SH3GL2: variants seen among roughly 807,000 people sequenced by gnomAD.
SH3GL2 encodes SH3 domain containing GRB2 like 2, endophilin A1.
Under a neutral mutation model 46.0 loss-of-function variants are expected in SH3GL2, and 24 were observed. The observed-to-expected ratio is 0.52, with a 90% CI of 0.38 to 0.73. The LOEUF is 0.73. Among genes scored for constraint, SH3GL2 ranks in the 30% least tolerant of loss-of-function variants. SH3GL2 has a pLI of 0.00. For missense variants in SH3GL2, 413 were observed against 424.2 expected (o/e 0.97, Z 0.23); for synonymous variants, 196 against 147.1 (o/e 1.33, Z -2.40).
In SH3GL2 at chr9:17,753,894, A is replaced by G. The variant is rs192668618; in HGVS notation, c.114+6760A>G. ...GGGGTCCAGTTTCAATCTTCTGCAT[A>G]TGGCTAGCCAGTTATCCTAGCACCA... On this transcript the variant is annotated intron_variant, in intron 2 of 8. Transcript: ENST00000380607. Among the ~76,000 whole-genome samples, 213 of 152,304 alleles carry G rather than the reference A, an allele frequency of 1.4e-3. 1 individual carries two copies. The South Asian group carries it at 0.029, about 20-fold the overall frequency.
chr9:17,678,327 G>C (rs530334499), intron 1 of SH3GL2, among the ~76,000 whole-genome samples: 48 of 152,190 alleles, frequency 3.2e-4, no homozygotes, highest in South Asian at 2.5e-3. Context: ...GATCGCCATT[G>C]TAACTGGTAT....
chr9:17,759,120 C>T (rs1311905088), intron 2 of SH3GL2, among the ~76,000 whole-genome samples: 1 of 152,120 alleles, frequency 6.6e-6, no homozygotes, highest in East Asian at 1.9e-4. Flanking sequence ...GCTTTCACAG[C>T]CTTCCTTGCT....
intron 1 of SH3GL2, among the ~76,000 whole-genome samples, chr9:17,677,595 C>T (rs889571736): frequency 6.6e-6 from 1 of 150,572 alleles, no homozygotes; most frequent in African/African-American, 2.5e-5. Context: ...TATTCTTGAT[C>T]TACTGTTACC....
chr9:17,737,852 G>T (rs2118468802), intron 1 of SH3GL2, among the ~76,000 whole-genome samples: 1 of 152,110 alleles, frequency 6.6e-6, no homozygotes, highest in Non-Finnish European at 1.5e-5. Flanking sequence ...CACATGTTTT[G>T]CTTGTTTGCT....
At chr9:17,664,100 C>A (rs1820287343) in intron 1 of SH3GL2, among the ~76,000 whole-genome samples, 1 of 152,074 alleles carries the variant, frequency 6.6e-6, no homozygotes, top group Non-Finnish European at 1.5e-5. Flanking sequence ...TCACTGTATC[C>A]ACCCTCCTAG....
At chr9:17,710,574 C>G (rs1191109548) in intron 1 of SH3GL2, among the ~76,000 whole-genome samples, 1 of 151,946 alleles carries the variant, frequency 6.6e-6, no homozygotes, top group Non-Finnish European at 1.5e-5. Context: ...GAACTGAAAG[C>G]AGAGACTTGA....
intron 1 of SH3GL2, among the ~76,000 whole-genome samples, chr9:17,676,648 A>G (rs796119036): frequency 2.8e-4 from 43 of 152,294 alleles, no homozygotes; most frequent in African/African-American, 9.9e-4. Flanking sequence ...ATATTGTTAC[A>G]TATTCTTCTT....
chr9:17,707,285 C>G (rs1274021760), intron 1 of SH3GL2, among the ~76,000 whole-genome samples: 1 of 152,006 alleles, frequency 6.6e-6, no homozygotes, highest in East Asian at 1.9e-4. Context: ...AAATATCTTC[C>G]ACTGGCTCTC....
At chr9:17,786,895 G>C (rs61166306) in intron 4 of SH3GL2, among the ~76,000 whole-genome samples, 4,197 of 152,164 alleles carry the variant, frequency 0.028, 198 homozygotes, top group African/African-American at 0.097. Flanking sequence ...CTTTTTCATA[G>C]ATCTTTGCTC....
intron 1 of SH3GL2, among the ~76,000 whole-genome samples, chr9:17,649,243 T>A (rs568728290): frequency 2.2e-4 from 34 of 152,300 alleles, no homozygotes; most frequent in Admixed American, 5.9e-4. Context: ...TTTTTTGTAT[T>A]TTTAGTAGAG....
chr9:17,704,450 T>A (rs1249577467), intron 1 of SH3GL2, among the ~76,000 whole-genome samples: 1 of 151,734 alleles, frequency 6.6e-6, no homozygotes, highest in Non-Finnish European at 1.5e-5. Flanking sequence ...ATATTAGAAC[T>A]CCTATGGAAT....
At chr9:17,768,676 C>G (rs1410697286) in intron 3 of SH3GL2, among the ~76,000 whole-genome samples, 3 of 152,072 alleles carry the variant, frequency 2.0e-5, no homozygotes, top group African/African-American at 7.2e-5. Context: ...GTTTCCCCTT[C>G]TCCTGGTAGA....
chr9:17,756,760 G>A (rs200108342), intron 2 of SH3GL2, among the ~76,000 whole-genome samples: 5 of 151,908 alleles, frequency 3.3e-5, no homozygotes, highest in Non-Finnish European at 5.9e-5. Context: ...AGTCTTTGCT[G>A]TTGTGAATAG....
intron 1 of SH3GL2, among the ~76,000 whole-genome samples, chr9:17,667,784 G>A (rs1343904466): frequency 6.6e-6 from 1 of 152,134 alleles, no homozygotes; most frequent in African/African-American, 2.4e-5. Flanking sequence ...GTGCTTGAGA[G>A]TTTCCATTTC....
chr9:17,614,418 C>G (rs558631544), intron 1 of SH3GL2, among the ~76,000 whole-genome samples: 1 of 150,464 alleles, frequency 6.6e-6, no homozygotes, highest in South Asian at 2.1e-4. Context: ...GCCCTTGTGT[C>G]AAGGAAATTG....
At chr9:17,688,870 C>T (rs1820995467) in intron 1 of SH3GL2, among the ~76,000 whole-genome samples, 1 of 152,036 alleles carries the variant, frequency 6.6e-6, no homozygotes, top group Non-Finnish European at 1.5e-5. Context: ...ACACATACTT[C>T]CTGTGCAGAG....
At position 17,746,166 on chromosome 9, in the gene SH3GL2, G is replaced by A. The variant is rs5014598; in HGVS notation, c.46-900G>A. Among the ~76,000 whole-genome samples, 391 of 152,056 alleles carry A rather than the reference G, an allele frequency of 2.6e-3. 2 individuals carry two copies. The highest frequency in any genetic ancestry group is 9.0e-3 in the African/African-American group (372 of 41,468). On this transcript the variant is annotated intron_variant, in intron 1 of 8. Coordinates refer to ENST00000380607, the MANE Select transcript of SH3GL2 (RefSeq NM_003026.5). Reference sequence around the variant, plus strand: ...CTCCGCTCACTGCAGGCTCCGCCCCGCTGTGTTCACACCATTCTCCTGCCT... The same window carrying A: ...CTCCGCTCACTGCAGGCTCCGCCCCACTGTGTTCACACCATTCTCCTGCCT...
intron 3 of SH3GL2, among the ~76,000 whole-genome samples, chr9:17,777,848 G>A (rs952524428): frequency 6.6e-6 from 1 of 151,862 alleles, no homozygotes; most frequent in African/African-American, 2.4e-5. Flanking sequence ...ATGAATTTGG[G>A]GAGGACAAAT....
chr9:17,603,502 A>C (rs1030426795), intron 1 of SH3GL2, among the ~76,000 whole-genome samples: 1 of 152,154 alleles, frequency 6.6e-6, no homozygotes, highest in Non-Finnish European at 1.5e-5. Context: ...TGTAACGGGT[A>C]CAGAGTTTCA....
Sources: allele counts gnomAD v4.1 joint callset (sites outside exome capture counted in the v4.1 genomes callset), GRCh38; gene constraint gnomAD v4.1.1; transcripts MANE v1.5; gene names NCBI Gene and HGNC (gene_info 2026-07-23, HGNC 2026-07-21).